The following LPP variants were observed in gnomAD, a reference collection of about 807,000 sequenced individuals.
LPP encodes the protein LIM domain containing preferred translocation partner in lipoma.
In LPP, 38 loss-of-function variants were observed where a neutral mutation model predicts 60.4. The ratio of observed to expected loss-of-function variants is 0.63; its 90% CI spans 0.49 to 0.83. LPP has a LOEUF of 0.83. Among genes scored for constraint, LPP ranks in the 40% least tolerant of loss-of-function variants. The pLI, the probability that LPP is intolerant of heterozygous loss-of-function variation, is 0.00. For missense variants in LPP, 902 were observed against 783.6 expected (o/e 1.15, Z -1.80); for synonymous variants, 328 against 290.8 (o/e 1.13, Z -1.30).
rs150054580 is a variant in LPP, at chr3:188,417,908, AT to A, written c.193+11601del. ...AATGGAGTTGTAAGCTAACTTAATC[AT>A]TTTTTGTTTTGTTTTGCTCTCTTAC... On this transcript the variant is annotated intron_variant, in intron 4 of 11. Transcript: ENST00000617246. Among the ~76,000 whole-genome samples the A allele has an allele frequency of 2.3e-3, 357 of 152,242 alleles. 2 individuals carry two copies. The highest frequency in any genetic ancestry group is 8.1e-3 in the African/African-American group (338 of 41,554).
At chr3:188,371,171 A>G (rs1016741025) in intron 3 of LPP, among the ~76,000 whole-genome samples, 1 of 152,172 alleles carries the variant, frequency 6.6e-6, no homozygotes, top group African/African-American at 2.4e-5. Context: ...ACTGGTAACT[A>G]TTAACCCACT....
At chr3:188,468,552 T>C (rs1191369415) in intron 4 of LPP, among the ~76,000 whole-genome samples, 1 of 152,148 alleles carries the variant, frequency 6.6e-6, no homozygotes, top group Non-Finnish European at 1.5e-5. Context: ...GTTTATAACA[T>C]TGTGCCGTGT....
In LPP at chr3:188,556,650, A is replaced by C. The variant is rs549396805; in HGVS notation, c.429+31863A>C. On this transcript the variant is annotated intron_variant, in intron 6 of 11. Coordinates refer to ENST00000617246, the MANE Select transcript of LPP (RefSeq NM_001375462.1). The stretch of plus-strand genomic sequence containing the variant: ...TTCAGTTTTTTTAATCATTACATGA[A>C]TTAACCTCATTATGATCTAATTACT... Among the ~76,000 whole-genome samples, 13 of 152,002 alleles carry C rather than the reference A, an allele frequency of 8.6e-5. No homozygotes were observed. In the East Asian group the frequency reaches 2.3e-3, roughly 27 times the overall value.
At chr3:188,465,985 GA>G (rs1800269652) in intron 4 of LPP, among the ~76,000 whole-genome samples, 1 of 152,132 alleles carries the variant, frequency 6.6e-6, no homozygotes. Flanking sequence ...AGTCAAAGGG[GA>G]TAGGCTATTT....
chr3:188,800,120 C>T (rs1468905248), intron 9 of LPP, among the ~76,000 whole-genome samples: 1 of 148,086 alleles, frequency 6.8e-6, no homozygotes, highest in Non-Finnish European at 1.5e-5. Context: ...CTATAGGATA[C>T]ATGAACCGTA....
chr3:188,293,579 ATATC>A (rs1340826445), intron 2 of LPP, among the ~76,000 whole-genome samples: 1 of 152,246 alleles, frequency 6.6e-6, no homozygotes, highest in African/African-American at 2.4e-5. Flanking sequence ...CTGAGAATTA[ATATC>A]TATCAAAACA....
chr3:188,482,213 A>T (rs779385238), intron 4 of LPP, among the ~76,000 whole-genome samples: 1 of 152,192 alleles, frequency 6.6e-6, no homozygotes, highest in Non-Finnish European at 1.5e-5. Flanking sequence ...AAGGCTGCAG[A>T]ACTGTGAGTC....
intron 2 of LPP, among the ~76,000 whole-genome samples, chr3:188,281,704 C>T (rs1331670339): frequency 6.6e-6 from 1 of 151,282 alleles, no homozygotes; most frequent in Non-Finnish European, 1.5e-5. Flanking sequence ...TTCCAAACTC[C>T]TTTCTCCTCC....
chr3:188,191,717 G>T lies in LPP; in HGVS notation c.-189-33688G>T, dbSNP rs563764626. ...TAGGAGACATTGAATCAACTCAGCC[G>T]TTGCTACGAGCTCACTGTAGCTGAG... On this transcript the variant is annotated intron_variant, in intron 1 of 11. Transcript: ENST00000617246. Among the ~76,000 whole-genome samples, 29 of 152,340 alleles carry T rather than the reference G, an allele frequency of 1.9e-4. No individual in the cohort carries two copies. The South Asian group carries it at 4.1e-3, about 22-fold the overall frequency.
rs1770577851 is a variant in LPP at position 188,885,691 on chromosome 3, C to T, written c.*11212C>T. On this transcript the variant is annotated 3_prime_UTR_variant, in exon 12 of 12. Coordinates refer to ENST00000617246, the MANE Select transcript of LPP (RefSeq NM_001375462.1). The stretch of plus-strand genomic sequence containing the variant: ...GCTGGGTCAAATGGTATTTCTAGTT[C>T]TAGATCCCTGAGGAATCTCCACACT... The T allele has an allele frequency of 6.6e-6, 1 of 152,664 alleles. No homozygotes were observed. Among genetic ancestry groups the T allele is most frequent in the South Asian group, 2.1e-4 (1 of 4,830 alleles). 9.5% of individuals were successfully genotyped at this position (152,664 alleles called of 1,614,324 possible). A position where few individuals can be genotyped will look rare whatever the true frequency, so the allele number is the denominator to read the frequency against.
chr3:188,703,731 C>G (rs922903548), intron 7 of LPP, among the ~76,000 whole-genome samples: 4 of 152,094 alleles, frequency 2.6e-5, no homozygotes, highest in Non-Finnish European at 5.9e-5. Context: ...AACAGCATAG[C>G]AAGCAAATAG....
intron 9 of LPP, among the ~76,000 whole-genome samples, chr3:188,864,889 G>T (rs2151978666): frequency 6.6e-6 from 1 of 152,318 alleles, no homozygotes; most frequent in East Asian, 1.9e-4. Context: ...GGAGACAGGG[G>T]CAAGGGGAGT....
At chr3:188,439,225 C>G (rs1459972780) in intron 4 of LPP, among the ~76,000 whole-genome samples, 2 of 152,112 alleles carry the variant, frequency 1.3e-5, no homozygotes, top group Non-Finnish European at 2.9e-5. Context: ...AATTTTCCCT[C>G]TGTTCTATTA....
At chr3:188,159,266 C>T (rs949009964) in intron 1 of LPP, among the ~76,000 whole-genome samples, 1 of 152,164 alleles carries the variant, frequency 6.6e-6, no homozygotes. Flanking sequence ...CTTTCTGGCT[C>T]AGGGCTCTGA....
chr3:188,583,754 A>G (rs1248163066), intron 6 of LPP, among the ~76,000 whole-genome samples: 3 of 152,210 alleles, frequency 2.0e-5, no homozygotes, highest in Admixed American at 2.0e-4. Context: ...CTGTCTCGCC[A>G]GTGCACATAC....
chr3:188,654,005 T>A (rs1232436567), intron 7 of LPP, among the ~76,000 whole-genome samples: 1 of 152,188 alleles, frequency 6.6e-6, no homozygotes, highest in Non-Finnish European at 1.5e-5. Context: ...CGCTGTGACC[T>A]TAGTCTTAGT....
intron 2 of LPP, among the ~76,000 whole-genome samples, chr3:188,250,784 T>TTG (rs748815545): frequency 8.6e-6 from 1 of 116,850 alleles, no homozygotes; most frequent in Admixed American, 8.4e-5. Context: ...CTTTCTTTCT[T>TTG]TCTGTCTTTC....
intron 3 of LPP, among the ~76,000 whole-genome samples, chr3:188,361,711 C>T (rs182054151): frequency 2.1e-3 from 314 of 152,016 alleles, no homozygotes; most frequent in Middle Eastern, 0.01. Flanking sequence ...GGATTACAGG[C>T]GCCCTGCCAC....
At chr3:188,524,036 G>A (rs764752133) in intron 5 of LPP, among the ~76,000 whole-genome samples, 12 of 152,100 alleles carry the variant, frequency 7.9e-5, no homozygotes, top group Non-Finnish European at 1.2e-4. Context: ...TAGGAAATCC[G>A]GAGATCCTGA....
Sources: allele counts gnomAD v4.1 joint callset (sites outside exome capture counted in the v4.1 genomes callset), GRCh38; gene constraint gnomAD v4.1.1; transcripts MANE v1.5; gene names NCBI Gene and HGNC (gene_info 2026-07-23, HGNC 2026-07-21).